EVI5: variants seen among roughly 807,000 people sequenced by gnomAD.
EVI5 encodes ecotropic viral integration site 5.
EVI5 carries 73 observed loss-of-function variants against 112.0 expected under a neutral mutation model. The ratio of observed to expected loss-of-function variants is 0.65; its 90% confidence interval spans 0.54 to 0.79. EVI5 has a LOEUF of 0.79. EVI5 is among the 30% of genes least tolerant of loss of function. The pLI, the probability that EVI5 is intolerant of heterozygous loss-of-function variation, is 0.00. For synonymous variants in EVI5, 305 were observed against 319.9 expected, an observed-to-expected ratio of 0.95 and a Z score of 0.50; for missense variants, 900 against 968.8, an observed-to-expected ratio of 0.93 and a Z score of 0.94.
chr1:92,580,091 C>T (rs1196776579), intron 18 of EVI5, among the ~76,000 whole-genome samples: 1 of 152,160 alleles, frequency 6.6e-6, no homozygotes, highest in African/African-American at 2.4e-5. Flanking sequence ...TCGCTATACA[C>T]TTATCTGATC....
chr1:92,622,445 A>G (rs1654800972), intron 16 of EVI5: 1 of 240,920 alleles, frequency 4.2e-6, no homozygotes, highest in South Asian at 4.3e-5. Flanking sequence ...AAGAATGTTC[A>G]GAGTAGCACT....
intron 1 of EVI5, among the ~76,000 whole-genome samples, chr1:92,770,878 C>T (rs1010364461): frequency 2.0e-5 from 3 of 151,616 alleles, no homozygotes; most frequent in South Asian, 2.1e-4. Context: ...TGTAATGGCC[C>T]GATCCCGGTT....
intron 2 of EVI5, among the ~76,000 whole-genome samples, chr1:92,711,345 G>A (rs1445157329): frequency 6.6e-6 from 1 of 152,154 alleles, no homozygotes; most frequent in Non-Finnish European, 1.5e-5. Flanking sequence ...ATTGTACTCA[G>A]CATAATGTTT....
At chr1:92,605,423 G>T in intron 17 of EVI5, 21 bp from the exon 18 acceptor site, 1 of 1,502,838 alleles carries the variant, frequency 6.7e-7, no homozygotes, top group Non-Finnish European at 9.2e-7. Flanking sequence ...AAACCAAACC[G>T]AAACAAAATA....
At chr1:92,550,814 A>ATATATATATATATATATAT in intron 19 of EVI5, among the ~76,000 whole-genome samples, 1 of 104,486 alleles carries the variant, frequency 9.6e-6, no homozygotes, top group South Asian at 3.3e-4. Context: ...ATATATATAT[A>ATATATATATATATATATAT]ACAAAAAAAA....
intron 19 of EVI5, among the ~76,000 whole-genome samples, chr1:92,520,216 G>C (rs963492431): frequency 1.4e-4 from 22 of 151,926 alleles, no homozygotes; most frequent in Admixed American, 3.9e-4. Flanking sequence ...AGTAGAGCCA[G>C]AAAAACAAGA....
intron 19 of EVI5, among the ~76,000 whole-genome samples, chr1:92,526,997 T>C (rs2101799400): frequency 6.6e-6 from 1 of 152,372 alleles, no homozygotes; most frequent in Middle Eastern, 3.4e-3. Context: ...TTAATTATTC[T>C]GTAACTCTGA....
At chr1:92,605,838 A>G (rs1284629790) in intron 17 of EVI5, among the ~76,000 whole-genome samples, 1 of 152,222 alleles carries the variant, frequency 6.6e-6, no homozygotes, top group Non-Finnish European at 1.5e-5. Context: ...AAAAGCTTTA[A>G]TAATTATAAA....
At chr1:92,734,836 ATT>A (rs78894565) in intron 2 of EVI5, among the ~76,000 whole-genome samples, 1 of 152,158 alleles carries the variant, frequency 6.6e-6, no homozygotes, top group Non-Finnish European at 1.5e-5. Flanking sequence ...AAATAATCAA[ATT>A]TTTTTTTAAA....
At chr1:92,747,579 T>C (rs1679470535) in intron 1 of EVI5, among the ~76,000 whole-genome samples, 1 of 151,814 alleles carries the variant, frequency 6.6e-6, no homozygotes, top group South Asian at 2.1e-4. Flanking sequence ...CCGGGAGTGA[T>C]GTTGGGTGCC....
intron 9 of EVI5, among the ~76,000 whole-genome samples, chr1:92,686,931 G>A (rs571674207): frequency 1.3e-5 from 2 of 152,286 alleles, no homozygotes; most frequent in African/African-American, 4.8e-5. Context: ...TCATGGATTG[G>A]AAGAATCAAT....
intron 2 of EVI5, among the ~76,000 whole-genome samples, chr1:92,731,150 C>G (rs1676401464): frequency 6.6e-6 from 1 of 151,954 alleles, no homozygotes; most frequent in South Asian, 2.1e-4. Flanking sequence ...ATGGTGAAAC[C>G]CCATCTCTAC....
intron 2 of EVI5, among the ~76,000 whole-genome samples, chr1:92,723,862 T>A (rs1675136991): frequency 6.6e-6 from 1 of 152,062 alleles, no homozygotes; most frequent in Non-Finnish European, 1.5e-5. Flanking sequence ...TTCCTGTGGG[T>A]AGGTCTATGA....
chr1:92,715,193 A>G (rs1673436122), intron 2 of EVI5, among the ~76,000 whole-genome samples: 1 of 151,838 alleles, frequency 6.6e-6, no homozygotes, highest in South Asian at 2.1e-4. Flanking sequence ...TTTTTAGTAG[A>G]GACAGGGTTT....
intron 19 of EVI5, among the ~76,000 whole-genome samples, chr1:92,546,156 C>G (rs1329057426): frequency 2.0e-5 from 3 of 152,064 alleles, no homozygotes; most frequent in African/African-American, 7.2e-5. Flanking sequence ...GCTTTGTGAT[C>G]AAGAAACTGA....
intron 18 of EVI5, among the ~76,000 whole-genome samples, chr1:92,593,731 A>T (rs1483735710): frequency 1.3e-5 from 2 of 152,214 alleles, no homozygotes; most frequent in African/African-American, 4.8e-5. Context: ...GTCTCAGGAT[A>T]CAAAATCAAT....
chr1:92,624,084 T>A lies in EVI5; in HGVS notation c.1827+92A>T. On this transcript the variant is annotated intron_variant, in intron 16 of 19. Transcript: ENST00000684568. Reference sequence around the variant, plus strand: ...GTCTATACAGCTTCATATCTTTACCTTTTATCTCTGTTCTAGGGATGATAC... The same window carrying A: ...GTCTATACAGCTTCATATCTTTACCATTTATCTCTGTTCTAGGGATGATAC... 8 of 1,172,128 alleles carry A rather than the reference T, an allele frequency of 6.8e-6. 1 individual carries two copies. In the South Asian group the frequency reaches 1.2e-4, roughly 17 times the overall value. The allele number at this position is 1,172,128 out of a possible 1,614,324, so 72.6% of individuals were successfully genotyped here. A position where few individuals can be genotyped will look rare whatever the true frequency, so the allele number is the denominator to read the frequency against.
chr1:92,627,624 C>T (rs1475132510), intron 14 of EVI5, among the ~76,000 whole-genome samples: 1 of 152,180 alleles, frequency 6.6e-6, no homozygotes, highest in East Asian at 1.9e-4. Context: ...AGTGGCAGTA[C>T]TAGTTTACAT....
At chr1:92,589,635 A>G (rs1206524054) in intron 18 of EVI5, among the ~76,000 whole-genome samples, 1 of 152,200 alleles carries the variant, frequency 6.6e-6, no homozygotes, top group Non-Finnish European at 1.5e-5. Context: ...AACTGGGTGG[A>G]GCCCACTGCA....
Sources: allele counts gnomAD v4.1 joint callset (sites outside exome capture counted in the v4.1 genomes callset), GRCh38; gene constraint gnomAD v4.1.1; transcripts MANE v1.5; gene names NCBI Gene and HGNC (gene_info 2026-07-23, HGNC 2026-07-21).